Variants in NBAS observed in about 807,000 individuals in gnomAD.
NBAS encodes the protein NAG/BC035112 fusion.
Under a neutral mutation model 302.5 loss-of-function variants are expected in NBAS, and 219 were observed. That is an observed-to-expected ratio of 0.72 (90% CI 0.65 to 0.81). NBAS has a LOEUF of 0.81. NBAS is among the 30% of genes least tolerant of loss of function. The pLI is 0.00. For missense variants in NBAS, 2,932 were observed against 2,841.6 expected, an observed-to-expected ratio of 1.03 and a Z score of -0.72; for synonymous variants, 1,118 against 1,021.6, an observed-to-expected ratio of 1.09 and a Z score of -1.80.
At chr2:15,505,760 A>C (rs1284913146) in intron 10 of NBAS, among the ~76,000 whole-genome samples, 1 of 152,216 alleles carries the variant, frequency 6.6e-6, no homozygotes, top group Non-Finnish European at 1.5e-5. Context: ...GGCTGAAAAA[A>C]CAACCACGAA....
the NBAS span, among the ~76,000 whole-genome samples, chr2:15,034,707 A>AT: frequency 6.6e-6 from 1 of 151,990 alleles, no homozygotes; most frequent in Non-Finnish European, 1.5e-5. Context: ...TTTTTAATTC[A>AT]TTTTTTTAAT....
chr2:15,126,292 C>T, the NBAS span, among the ~76,000 whole-genome samples: 2 of 152,156 alleles, frequency 1.3e-5, no homozygotes, highest in African/African-American at 4.8e-5. Flanking sequence ...TTGCCAGCAC[C>T]ATGCTTGTTG....
chr2:15,282,560 C>A (rs764969979), intron 42 of NBAS, among the ~76,000 whole-genome samples: 1 of 152,100 alleles, frequency 6.6e-6, no homozygotes, highest in Non-Finnish European at 1.5e-5. Context: ...TGACCTGGGA[C>A]CCTCCCCATG....
At chr2:15,118,256 A>G in the NBAS span, among the ~76,000 whole-genome samples, 1 of 152,132 alleles carries the variant, frequency 6.6e-6, no homozygotes, top group Non-Finnish European at 1.5e-5. Flanking sequence ...CAGGGATTTC[A>G]GGGGCAGCTG....
Position 15,539,153 on chromosome 2 carries a change from C to T in NBAS, c.513+70G>A, listed in dbSNP as rs531112397. ...TTTGTATTATCCCCCCCTTCACACT[C>T]TTTTATTCAAGTACCTATACATACA... On this transcript the variant is annotated intron_variant, in intron 7 of 51. Transcript: ENST00000281513. The T allele has an allele frequency of 4.4e-6, 7 of 1,594,048 alleles. No homozygotes were observed. The South Asian group carries it at 7.7e-5, about 18-fold the overall frequency.
the NBAS span, among the ~76,000 whole-genome samples, chr2:15,144,087 C>T: frequency 8.2e-6 from 1 of 121,412 alleles, no homozygotes; most frequent in East Asian, 3.7e-4. Flanking sequence ...AGTTCTGTCC[C>T]TCTAGAGAAA....
rs554777066 is a variant in NBAS at position 15,199,105 on chromosome 2, C to T, written c.6433-8702G>A. ...TTGTGCCACTGCACTCCAGCCTGGG[C>T]GACAGAGTAAGACTCCATCTCAAAA... On this transcript the variant is annotated intron_variant, in intron 48 of 51. Transcript: ENST00000281513. Among the ~76,000 whole-genome samples the T allele has an allele frequency of 1.9e-4, 23 of 118,340 alleles. No individual in the cohort carries two copies. In the East Asian group the frequency reaches 3.9e-3, roughly 20 times the overall value. The allele number at this position is 118,340 out of a possible 152,430, so 77.6% of individuals were successfully genotyped here.
At position 15,511,311 on chromosome 2, in the gene NBAS, G is replaced by A. The variant is rs1662133231; in HGVS notation, c.786C>T (p.Gly262=). The A allele has an allele frequency of 1.4e-5, 23 of 1,613,990 alleles. No homozygotes were observed. The highest frequency in any genetic ancestry group is 1.8e-5 in the Non-Finnish European group (21 of 1,179,954). The change falls in exon 10 of 52, where the codon GGC becomes GGT. Residue 262 remains glycine, a synonymous_variant. Coordinates refer to ENST00000281513, the MANE Select transcript of NBAS (RefSeq NM_015909.4). ...LVGGCETAEV[G]MSKASSCGLS... is the part of the protein sequence containing the mutation. ...GGCCACAGCTAGAAGCTTTTGACAT[G>A]CCTACTTCAGCAGTTTCACATCCAC...
chr2:15,041,111 T>A, the NBAS span, among the ~76,000 whole-genome samples: 3 of 152,298 alleles, frequency 2.0e-5, no homozygotes, highest in African/African-American at 7.2e-5. Flanking sequence ...TCTATTCCAA[T>A]ATTCACATCA....
intron 44 of NBAS, among the ~76,000 whole-genome samples, chr2:15,260,614 G>A (rs1668805517): frequency 2.0e-5 from 3 of 152,212 alleles, no homozygotes; most frequent in Admixed American, 2.0e-4. Flanking sequence ...GGGGTTGAAG[G>A]AGACAGGCGA....
At chr2:15,156,986 AC>A in the NBAS span, among the ~76,000 whole-genome samples, 1 of 151,892 alleles carries the variant, frequency 6.6e-6, no homozygotes, top group Non-Finnish European at 1.5e-5. Context: ...CCCCCCTCTC[AC>A]ACACACACAC....
chr2:15,061,173 G>A, the NBAS span, among the ~76,000 whole-genome samples: 1 of 152,182 alleles, frequency 6.6e-6, no homozygotes, highest in East Asian at 1.9e-4. Flanking sequence ...ATAAACGTAA[G>A]TCTTTTCCAT....
At chr2:15,271,993 CA>C (rs1417742269) in intron 44 of NBAS, among the ~76,000 whole-genome samples, 1 of 152,164 alleles carries the variant, frequency 6.6e-6, no homozygotes, top group Non-Finnish European at 1.5e-5. Flanking sequence ...GCATATTAAT[CA>C]TCTCAAATGG....
intron 30 of NBAS, among the ~76,000 whole-genome samples, chr2:15,375,939 G>A (rs957598064): frequency 4.0e-5 from 6 of 151,594 alleles, no homozygotes. Flanking sequence ...GGCATAGAAA[G>A]GTATGCATAA....
chr2:14,980,652 C>T, the NBAS span, among the ~76,000 whole-genome samples: 4 of 150,788 alleles, frequency 2.7e-5, no homozygotes, highest in Non-Finnish European at 5.9e-5. Context: ...CTGGTTAACA[C>T]TAAATGTGAA....
intron 48 of NBAS, among the ~76,000 whole-genome samples, chr2:15,197,124 G>A (rs919972345): frequency 2.6e-5 from 4 of 152,118 alleles, no homozygotes; most frequent in Non-Finnish European, 4.4e-5. Context: ...AACTAAGTTT[G>A]AATTGTAGTC....
the NBAS span, among the ~76,000 whole-genome samples, chr2:14,947,429 A>G: frequency 1.3e-5 from 2 of 152,150 alleles, no homozygotes; most frequent in Admixed American, 1.3e-4. Context: ...AAACAAATAA[A>G]TTACTGGAAA....
At chr2:15,358,437 C>A (rs564112900) in intron 32 of NBAS, among the ~76,000 whole-genome samples, 196 of 151,938 alleles carry the variant, frequency 1.3e-3, no homozygotes, top group African/African-American at 4.3e-3. Flanking sequence ...TGCGCGTGTG[C>A]CCGTGTGCAT....
intron 51 of NBAS, among the ~76,000 whole-genome samples, chr2:15,170,543 A>T (rs1246571084): frequency 6.6e-6 from 1 of 152,146 alleles, no homozygotes; most frequent in Non-Finnish European, 1.5e-5. Flanking sequence ...AAAGGTTGGG[A>T]GGAATTTTGG....
Sources: gnomAD v4.1 joint callset for allele counts (sites outside exome capture counted in the v4.1 genomes callset) on GRCh38, gnomAD v4.1.1 for gene constraint, MANE v1.5 for transcripts, NCBI Gene and HGNC (gene_info 2026-07-23, HGNC 2026-07-21) for gene names.